NBAS: variants seen among roughly 807,000 people sequenced by gnomAD.
NBAS encodes the protein NAG/BC035112 fusion.
Under a neutral mutation model 302.5 loss-of-function variants are expected in NBAS, and 219 were observed. That is an observed-to-expected ratio of 0.72 (90% confidence interval 0.65 to 0.81). The LOEUF is 0.81. NBAS is among the 30% of genes least tolerant of loss of function. The pLI, the probability that NBAS is intolerant of heterozygous loss-of-function variation, is 0.00. For missense variants in NBAS, 2,932 were observed against 2,841.6 expected (o/e 1.03, Z -0.72); for synonymous variants, 1,118 against 1,021.6 (o/e 1.09, Z -1.80).
At chr2:15,442,155 A>G (rs1396845907) in intron 21 of NBAS, among the ~76,000 whole-genome samples, 1 of 127,276 alleles carries the variant, frequency 7.9e-6, no homozygotes, top group African/African-American at 2.9e-5. Flanking sequence ...CACCAAGCGG[A>G]CCTAATAGAC....
the NBAS span, among the ~76,000 whole-genome samples, chr2:14,995,210 C>A: frequency 6.6e-6 from 1 of 152,272 alleles, no homozygotes; most frequent in South Asian, 2.1e-4. Flanking sequence ...TCCCTCCCCC[C>A]TGCCCCCACT....
At chr2:14,940,758 G>C in the NBAS span, among the ~76,000 whole-genome samples, 4 of 152,252 alleles carry the variant, frequency 2.6e-5, no homozygotes, top group Middle Eastern at 3.4e-3. Flanking sequence ...CCGATGTATG[G>C]TGCCCAGAAT....
intron 11 of NBAS, among the ~76,000 whole-genome samples, chr2:15,489,681 G>A (rs1033891964): frequency 1.7e-4 from 26 of 152,142 alleles, no homozygotes; most frequent in Admixed American, 2.6e-4. Flanking sequence ...ATAGTCAACC[G>A]AAAGGTACAC....
At chr2:15,327,036 G>A (rs1254079529) in intron 38 of NBAS, among the ~76,000 whole-genome samples, 1 of 152,054 alleles carries the variant, frequency 6.6e-6, no homozygotes, top group Non-Finnish European at 1.5e-5. Flanking sequence ...GCAGTTAGAG[G>A]TGGCCAGTAA....
chr2:14,981,127 C>T, the NBAS span, among the ~76,000 whole-genome samples: 3 of 151,938 alleles, frequency 2.0e-5, no homozygotes, highest in Non-Finnish European at 4.4e-5. Context: ...ATAAATGAAG[C>T]ATATGAGTTT....
the NBAS span, among the ~76,000 whole-genome samples, chr2:14,864,923 G>A: frequency 3.9e-5 from 6 of 152,196 alleles, no homozygotes; most frequent in Non-Finnish European, 7.3e-5. Context: ...TACAATTGTT[G>A]TCATGCCATC....
At chr2:15,372,365 T>C (rs929785748) in intron 31 of NBAS, among the ~76,000 whole-genome samples, 2 of 152,238 alleles carry the variant, frequency 1.3e-5, no homozygotes, top group Non-Finnish European at 2.9e-5. Flanking sequence ...GATTATAATT[T>C]AGTTAGAACT....
intron 30 of NBAS, among the ~76,000 whole-genome samples, chr2:15,376,590 T>G (rs895754146): frequency 6.6e-6 from 1 of 152,030 alleles, no homozygotes; most frequent in Non-Finnish European, 1.5e-5. Flanking sequence ...AGATAAGATA[T>G]CACCTGTGTG....
At chr2:15,448,446 C>G (rs1225135860) in intron 21 of NBAS, among the ~76,000 whole-genome samples, 2 of 152,156 alleles carry the variant, frequency 1.3e-5, no homozygotes, top group East Asian at 3.8e-4. Flanking sequence ...CTTGAAGAAA[C>G]TGAAGCCAAA....
At chr2:15,196,036 C>T (rs1023107622) in intron 48 of NBAS, among the ~76,000 whole-genome samples, 9 of 152,216 alleles carry the variant, frequency 5.9e-5, no homozygotes, top group African/African-American at 1.9e-4. Flanking sequence ...TTGAATCTCT[C>T]AAGTTGCCTG....
the NBAS span, among the ~76,000 whole-genome samples, chr2:15,013,397 T>C: frequency 2.6e-5 from 4 of 152,160 alleles, no homozygotes; most frequent in African/African-American, 4.8e-5. Context: ...ATATACAAAA[T>C]AATCAGATAC....
chr2:14,790,783 C>T, the NBAS span, among the ~76,000 whole-genome samples: 2 of 151,764 alleles, frequency 1.3e-5, no homozygotes, highest in African/African-American at 2.4e-5. Context: ...TACTGAGTAG[C>T]GGGGATTACA....
the NBAS span, among the ~76,000 whole-genome samples, chr2:15,023,186 C>A: frequency 6.6e-6 from 1 of 152,112 alleles, no homozygotes; most frequent in Non-Finnish European, 1.5e-5. Flanking sequence ...TTGATTGCAT[C>A]ATGCTTTTCT....
chr2:15,432,832 T>C (rs914479757), intron 21 of NBAS, among the ~76,000 whole-genome samples: 2 of 152,196 alleles, frequency 1.3e-5, no homozygotes, highest in African/African-American at 4.8e-5. Flanking sequence ...TAGTTATCAC[T>C]CATAACACCA....
intron 40 of NBAS, among the ~76,000 whole-genome samples, chr2:15,301,910 G>C (rs1670814296): frequency 6.6e-6 from 1 of 152,206 alleles, no homozygotes. Context: ...ATCATGGGAT[G>C]TGCAGAGCAT....
chr2:14,978,030 C>A, the NBAS span, among the ~76,000 whole-genome samples: 1 of 152,186 alleles, frequency 6.6e-6, no homozygotes, highest in Non-Finnish European at 1.5e-5. Flanking sequence ...TCCTATTTTT[C>A]TACCAGACAC....
the NBAS span, among the ~76,000 whole-genome samples, chr2:14,802,895 G>C: frequency 7.8e-5 from 4 of 51,384 alleles, no homozygotes; most frequent in East Asian, 5.7e-4. Context: ...GTGGTGGAGT[G>C]GGGGGAGGGG....
At chr2:15,222,056 T>C (rs902872213) in intron 47 of NBAS, among the ~76,000 whole-genome samples, 4 of 152,182 alleles carry the variant, frequency 2.6e-5, no homozygotes, top group African/African-American at 7.2e-5. Context: ...CATGGGGTTG[T>C]TGAGAAATTA....
At chr2:14,983,255 C>T in the NBAS span, among the ~76,000 whole-genome samples, 5 of 152,184 alleles carry the variant, frequency 3.3e-5, no homozygotes, top group Admixed American at 2.0e-4. Flanking sequence ...ATTAGTACAT[C>T]CAGCCTTTTA....
Sources: gnomAD v4.1 joint callset for allele counts (sites outside exome capture counted in the v4.1 genomes callset) on GRCh38, gnomAD v4.1.1 for gene constraint, MANE v1.5 for transcripts, NCBI Gene and HGNC (gene_info 2026-07-23, HGNC 2026-07-21) for gene names.